Variants in PCDHGB2 observed in about 807,000 individuals in gnomAD.
PCDHGB2 encodes the protein protocadherin gamma-B2.
Under a neutral mutation model 59.3 loss-of-function variants are expected in PCDHGB2, and 55 were observed. The observed-to-expected ratio is 0.93, with a 90% CI of 0.75 to 1.16. The LOEUF is 1.16. PCDHGB2 is among the 50% of genes most tolerant of loss of function. The pLI is 0.00. For synonymous variants in PCDHGB2, 516 were observed against 512.0 expected, an observed-to-expected ratio of 1.01 and a Z score of -0.11; for missense variants, 1,228 against 1,198.5, an observed-to-expected ratio of 1.02 and a Z score of -0.36.
chr5:141,415,815 A>G, intron 1 of PCDHGB2: 1 of 1,337,656 alleles, frequency 7.5e-7, no homozygotes, highest in East Asian at 2.7e-5. Context: ...AGGCCTATAT[A>G]TCATAAGGCT....
At chr5:141,365,339 G>A in intron 1 of PCDHGB2, 7 of 1,613,990 alleles carry the variant, frequency 4.3e-6, no homozygotes, top group Non-Finnish European at 5.1e-6. Context: ...GGTGGTCACA[G>A]TACAGGACGT....
intron 2 of PCDHGB2, among the ~76,000 whole-genome samples, chr5:141,497,332 A>G (rs537994715): frequency 6.6e-6 from 1 of 152,024 alleles, no homozygotes; most frequent in Non-Finnish European, 1.5e-5. Context: ...AGAATTCACC[A>G]TTGAACCTGG....
At chr5:141,373,411 T>C (rs1045675973) in intron 1 of PCDHGB2, among the ~76,000 whole-genome samples, 3 of 152,242 alleles carry the variant, frequency 2.0e-5, no homozygotes, top group Non-Finnish European at 2.9e-5. Flanking sequence ...TAGTCCCAGC[T>C]ACTCGGGAGG....
chr5:141,361,935 C>A lies in PCDHGB2; in HGVS notation c.1800C>A (p.His600Gln), dbSNP rs1430503003. 1.9e-6 allele frequency: 3 copies of A among 1,605,956 alleles called. No individual in the cohort carries two copies. The highest frequency in any genetic ancestry group is 1.7e-5 in the Admixed American group (1 of 59,796). The change falls in exon 1 of 4, where the codon CAC becomes CAA. Residue 600 changes from histidine (H) to glutamine (Q), a missense_variant. His to Gln is a conservative substitution (Grantham distance 24). Coordinates refer to ENST00000522605, the MANE Select transcript of PCDHGB2 (RefSeq NM_018923.3). ...KVVAVDADSGHNAWLSYHVLQ... is the reference protein window; with the variant it reads ...KVVAVDADSGQNAWLSYHVLQ... ...TGGCGGTGGACGCAGACTCAGGACA[C>A]AACGCTTGGCTGTCCTACCACGTGC...
chr5:141,431,273 C>T lies in PCDHGB2; in HGVS notation c.2422-63534C>T, dbSNP rs752219345. 54 of 1,614,068 alleles carry T rather than the reference C, an allele frequency of 3.3e-5. No individual in the cohort carries two copies. Among genetic ancestry groups the T allele is most frequent in the Non-Finnish European group, 4.1e-5 (48 of 1,180,052 alleles). On this transcript the variant is annotated intron_variant, in intron 1 of 3. Transcript: ENST00000522605. The surrounding 1 kb of genome is among the most constrained non-coding windows in gnomAD (Gnocchi z 4.8). Reference sequence around the variant, plus strand: ...GAAGAACTCTCTGCAGAGCTACGAGCTCAGCCCGAACACTCACTTCTCCCT... The same window carrying T: ...GAAGAACTCTCTGCAGAGCTACGAGTTCAGCCCGAACACTCACTTCTCCCT...
At chr5:141,441,984 A>G (rs1202392318) in intron 1 of PCDHGB2, 4 of 275,400 alleles carry the variant, frequency 1.5e-5, no homozygotes, top group South Asian at 7.2e-5. Flanking sequence ...TGGAATGCGC[A>G]CCGACGAGGT....
At position 141,399,438 on chromosome 5, in the gene PCDHGB2, T is replaced by G; in HGVS notation, c.2421+36882T>G. 3 of 1,613,996 alleles carry G rather than the reference T, an allele frequency of 1.9e-6. No individual in the cohort carries two copies. The South Asian group carries it at 3.3e-5, about 18-fold the overall frequency. On this transcript the variant is annotated intron_variant, in intron 1 of 3. Transcript: ENST00000522605. The stretch of plus-strand genomic sequence containing the variant: ...CCTCCAGCATAAGCGTCATCCTACA[T>G]ATCAGAGACGTCAACGATAACGCTC...
chr5:141,387,761 A>C lies in PCDHGB2; in HGVS notation c.2421+25205A>C, dbSNP rs539874780. The C allele has an allele frequency of 9.8e-5, 139 of 1,420,618 alleles. 1 individual carries two copies. The African/African-American group carries it at 1.7e-3, about 17-fold the overall frequency. The allele number at this position is 1,420,618 out of a possible 1,614,324, so 88.0% of individuals were successfully genotyped here. A position where few individuals can be genotyped will look rare whatever the true frequency, so the allele number is the denominator to read the frequency against. On this transcript the variant is annotated intron_variant, in intron 1 of 3. Transcript: ENST00000522605. ...ACACCGCTTCCTCCTCGGAAAAAGA[A>C]GAATTTTTTCTTGAACTGGAACTGC...
At chr5:141,387,676 G>A (rs1218377613) in intron 1 of PCDHGB2, 7 of 732,116 alleles carry the variant, frequency 9.6e-6, no homozygotes, top group Non-Finnish European at 1.5e-5. Flanking sequence ...AGATCTCCTC[G>A]CGCAGCCGCA....
chr5:141,410,726 A>G, intron 1 of PCDHGB2: 4 of 1,376,038 alleles, frequency 2.9e-6, no homozygotes, highest in Non-Finnish European at 3.9e-6. Context: ...TTTAAAATCC[A>G]TAGCTTTTTA....
chr5:141,486,371 G>T lies in PCDHGB2; in HGVS notation c.2422-8436G>T. 1.9e-6 allele frequency: 3 copies of T among 1,614,138 alleles called. No homozygotes were observed. The highest frequency in any genetic ancestry group is 2.5e-6 in the Non-Finnish European group (3 of 1,180,010). On this transcript the variant is annotated intron_variant, in intron 1 of 3. Coordinates refer to ENST00000522605, the MANE Select transcript of PCDHGB2 (RefSeq NM_018923.3). The surrounding 1 kb of genome is among the most constrained non-coding windows in gnomAD (Gnocchi z 5.0). ...CCACTTGCCATTTGCCCTCAAGTCT[G>T]CCTTCAGGAACCAGTTCTCCCTGGT...
intron 1 of PCDHGB2, chr5:141,403,682 C>T (rs1456832899): frequency 1.3e-5 from 21 of 1,613,810 alleles, no homozygotes; most frequent in Non-Finnish European, 1.1e-5. Flanking sequence ...GGTTTTTGCT[C>T]AACGGATTTA....
In PCDHGB2 at chr5:141,361,236, C is replaced by G. The variant is rs373083462; in HGVS notation, c.1101C>G (p.Ala367=). ...PEDSPPGTVI[A]LIKTRDRDSG... ...ATTCGCCACCAGGAACAGTGATCGC[C>G]TTGATAAAAACGAGAGACAGAGACT... Residue 367 remains alanine, a synonymous_variant, in exon 1 of 4, where the codon GCC becomes GCG. Transcript: ENST00000522605. 88 of 1,613,828 alleles carry G rather than the reference C, an allele frequency of 5.5e-5. No homozygotes were observed. Among genetic ancestry groups the G allele is most frequent in the Non-Finnish European group, 7.2e-5 (85 of 1,179,884 alleles).
Position 141,360,895 on chromosome 5 carries a change from G to T in PCDHGB2, c.760G>T (p.Asp254Tyr). 3 of 1,614,046 alleles carry T rather than the reference G, an allele frequency of 1.9e-6. No individual in the cohort carries two copies. The highest frequency in any genetic ancestry group is 2.5e-6 in the Non-Finnish European group (3 of 1,179,900). Residue 254 changes from aspartate to tyrosine, a missense_variant, in exon 1 of 4, where the codon GAC becomes TAC. Asp to Tyr is a radical substitution (Grantham distance 160). Transcript: ENST00000522605. ...QDVYRVTLRE[D>Y]VPPGFFVLQV... ...CGTGTACAGGGTCACCCTGAGGGAG[G>T]ACGTGCCGCCGGGCTTCTTTGTGCT...
chr5:141,395,542 TTGTGTGTGTGTGTGTGTGTGTGTGTG>T lies in PCDHGB2; in HGVS notation c.2421+33010_2421+33035del, dbSNP rs55729045. 7.0e-5 allele frequency: 12 copies of T among 172,630 alleles called. No homozygotes were observed. In the South Asian group the frequency reaches 8.7e-4, roughly 12 times the overall value. 10.7% of individuals were successfully genotyped at this position (172,630 alleles called of 1,614,324 possible). ...TCCATACTGGTAATTTTGCTATTGTTTGTGTGTGTGTGTGTGTGTGTGTGTGTGTGTGTGTGTGTGTGTGTGTGTAT... is the reference window on the plus strand; with the variant it reads ...TCCATACTGGTAATTTTGCTATTGTTTGTGTGTGTGTGTGTGTGTGTGTAT... On this transcript the variant is annotated intron_variant, in intron 1 of 3. Coordinates refer to ENST00000522605, the MANE Select transcript of PCDHGB2 (RefSeq NM_018923.3).
chr5:141,422,211 CTT>C (rs1339862278), intron 1 of PCDHGB2: 1 of 1,563,166 alleles, frequency 6.4e-7, no homozygotes, highest in African/African-American at 1.4e-5. Context: ...GTGGAGGTCT[CTT>C]TACCACCACG....
At chr5:141,404,479 A>C in intron 1 of PCDHGB2, 1 of 1,613,750 alleles carries the variant, frequency 6.2e-7, no homozygotes, top group South Asian at 1.1e-5. Context: ...CTATTAACTC[A>C]GACACTGGTG....
At chr5:141,384,734 G>T (rs1780422653) in intron 1 of PCDHGB2, 1 of 1,613,988 alleles carries the variant, frequency 6.2e-7, no homozygotes. Flanking sequence ...CTTAAGGCCA[G>T]CGAGCCAGGA....
intron 1 of PCDHGB2, chr5:141,421,488 G>C: frequency 3.1e-6 from 5 of 1,614,100 alleles, no homozygotes; most frequent in Non-Finnish European, 4.2e-6. Flanking sequence ...GCTTGATCAC[G>C]GCAGGCAGGA....
Sources: gnomAD v4.1 joint callset for allele counts (sites outside exome capture counted in the v4.1 genomes callset) on GRCh38, gnomAD v4.1.1 for gene constraint, Gnocchi (gnomAD v3.1) non-coding constraint, MANE v1.5 for transcripts, NCBI Gene and HGNC (gene_info 2026-07-23, HGNC 2026-07-21) for gene names.